Variants in PCMT1 observed in about 807,000 individuals in gnomAD.
PCMT1 encodes the protein protein-L-isoaspartate(D-aspartate) O-methyltransferase.
A neutral mutation model predicts 29.2 loss-of-function variants in PCMT1; 9 were observed. The observed-to-expected ratio is 0.31, with a 90% confidence interval of 0.19 to 0.54. The LOEUF (loss-of-function observed/expected upper bound fraction) is 0.54. PCMT1 is among the 20% of genes least tolerant of loss of function. The pLI, the probability that PCMT1 is intolerant of heterozygous loss-of-function variation, is 0.95. For synonymous variants in PCMT1, 98 were observed against 97.5 expected (o/e 1.00, Z -0.03); for missense variants, 184 against 282.2 (o/e 0.65, Z 2.49).
At chr6:149,754,947 A>AT (rs1310348562) in intron 1 of PCMT1, among the ~76,000 whole-genome samples, 1 of 152,168 alleles carries the variant, frequency 6.6e-6, no homozygotes, top group Non-Finnish European at 1.5e-5. Context: ...TTTATTCATT[A>AT]TTTTTGTTAA....
chr6:149,758,223 T>TTTTTTTTTTTC (rs1215433831), intron 1 of PCMT1, among the ~76,000 whole-genome samples: 32 of 139,256 alleles, frequency 2.3e-4, no homozygotes, highest in African/African-American at 8.7e-4. Context: ...TTTTTTTTTT[T>TTTTTTTTTTTC]TTTCTGAGAC....
At chr6:149,750,083 C>T (rs1268902292) in intron 1 of PCMT1, 127 bp downstream of exon 1, 2 of 1,298,608 alleles carry the variant, frequency 1.5e-6, no homozygotes, top group Admixed American at 2.9e-5. Flanking sequence ...CGCAGAGTTG[C>T]CCCGGTAGTC....
At chr6:149,761,723 C>G (rs1269780102) in intron 1 of PCMT1, among the ~76,000 whole-genome samples, 1 of 152,160 alleles carries the variant, frequency 6.6e-6, no homozygotes, top group Non-Finnish European at 1.5e-5. Context: ...AACCCATCTA[C>G]TTGGTAAGAA....
chr6:149,768,880 G>C (rs1787199881), intron 1 of PCMT1, among the ~76,000 whole-genome samples: 4 of 152,118 alleles, frequency 2.6e-5, no homozygotes, highest in Non-Finnish European at 4.4e-5. Flanking sequence ...GCCTACCTCA[G>C]CCTCCCAAAG....
intron 3 of PCMT1, among the ~76,000 whole-genome samples, chr6:149,787,459 C>G (rs936686883): frequency 5.3e-5 from 8 of 151,866 alleles, no homozygotes; most frequent in Admixed American, 5.2e-4. Flanking sequence ...ATCCACCTCC[C>G]GGGTTCAAGC....
chr6:149,774,157 T>C (rs576120458), intron 3 of PCMT1, among the ~76,000 whole-genome samples: 29 of 152,218 alleles, frequency 1.9e-4, no homozygotes, highest in African/African-American at 7.0e-4. Flanking sequence ...GCCCAACCTT[T>C]TCTTAGGGTT....
In PCMT1 at chr6:149,773,334, C is replaced by T. The variant is rs548443885; in HGVS notation, c.192+165C>T. Among the ~76,000 whole-genome samples the T allele has an allele frequency of 1.6e-4, 24 of 152,074 alleles. No homozygotes were observed. The South Asian group carries it at 4.8e-3, about 30-fold the overall frequency. ...TTTTTTGAACATCTTATTCTTAATA[C>T]AGGGTCTGTAGAAGGAGTTTTGTTT... On this transcript the variant is annotated intron_variant, in intron 3 of 7. Transcript: ENST00000464889.
At chr6:149,784,828 C>G (rs1219638166) in intron 3 of PCMT1, among the ~76,000 whole-genome samples, 1 of 152,178 alleles carries the variant, frequency 6.6e-6, no homozygotes, top group Non-Finnish European at 1.5e-5. Flanking sequence ...TATTTCATCC[C>G]TGGATACTTT....
chr6:149,750,693 A>T (rs1786279359), intron 1 of PCMT1, among the ~76,000 whole-genome samples: 1 of 152,114 alleles, frequency 6.6e-6, no homozygotes, highest in Non-Finnish European at 1.5e-5. Flanking sequence ...GGGCTACCAT[A>T]GGCTTTAAAA....
chr6:149,803,052 CAAAAAAAAAAAAAAA>C (rs60853264), intron 7 of PCMT1, among the ~76,000 whole-genome samples: 5 of 70,570 alleles, frequency 7.1e-5, no homozygotes, highest in Admixed American at 1.8e-4. Context: ...GGCTCTGTCT[CAAAAAAAAAAAAAAA>C]AAAAAAAAAA....
chr6:149,809,132 G>A lies in PCMT1; in HGVS notation c.*38-1484G>A, dbSNP rs571837505. ...AATTTAGCCGGGTATGGTGGTGCCTGCCTGTAATCCCAGCGACTCGGGAGG... is the reference window on the plus strand; with the variant it reads ...AATTTAGCCGGGTATGGTGGTGCCTACCTGTAATCCCAGCGACTCGGGAGG... On this transcript the variant is annotated intron_variant, in intron 7 of 7. Transcript: ENST00000464889. Among the ~76,000 whole-genome samples, 14 of 149,892 alleles carry A rather than the reference G, an allele frequency of 9.3e-5. No individual in the cohort carries two copies. The East Asian group carries it at 1.4e-3, about 15-fold the overall frequency.
chr6:149,765,976 A>AT (rs1787066304), intron 1 of PCMT1, among the ~76,000 whole-genome samples: 1 of 120,824 alleles, frequency 8.3e-6, no homozygotes, highest in Admixed American at 9.4e-5. Context: ...CAAAAAAAAA[A>AT]TAAATTTTTT....
Position 149,810,775 on chromosome 6 carries a change from T to G in PCMT1, c.*197T>G. On this transcript the variant is annotated 3_prime_UTR_variant, in exon 8 of 8. Transcript: ENST00000464889. ...ATGAAAATGTGTGTTTTTTTAGGGT[T>G]TCTGATTCTTCAAAGAGGCACAGAG... 1 of 585,466 alleles carries G rather than the reference T, an allele frequency of 1.7e-6. No individual in the cohort carries two copies. The highest frequency in any genetic ancestry group is 2.9e-6 in the Non-Finnish European group (1 of 346,982). 36.3% of individuals were successfully genotyped at this position (585,466 alleles called of 1,614,324 possible). A position where few individuals can be genotyped will look rare whatever the true frequency, so the allele number is the denominator to read the frequency against.
intron 1 of PCMT1, among the ~76,000 whole-genome samples, chr6:149,754,292 G>GA (rs374587530): frequency 6.6e-6 from 1 of 152,184 alleles, no homozygotes; most frequent in Admixed American, 6.5e-5. Context: ...CTCTAGAAAT[G>GA]AAAAAATACA....
intron 3 of PCMT1, among the ~76,000 whole-genome samples, chr6:149,784,055 T>C (rs1385759929): frequency 6.6e-6 from 1 of 152,132 alleles, no homozygotes. Context: ...TGGAGGGAGA[T>C]AATTGGGGGA....
At chr6:149,808,070 G>A (rs190529387) in intron 7 of PCMT1, among the ~76,000 whole-genome samples, 1 of 152,130 alleles carries the variant, frequency 6.6e-6, no homozygotes. Flanking sequence ...ATTAGAAAAC[G>A]TTCATGGATT....
chr6:149,756,931 G>A (rs1786532632), intron 1 of PCMT1, among the ~76,000 whole-genome samples: 1 of 151,952 alleles, frequency 6.6e-6, no homozygotes, highest in East Asian at 1.9e-4. Flanking sequence ...GAGGTGGGTG[G>A]ATCACCTGAG....
At chr6:149,785,560 C>G (rs1239176500) in intron 3 of PCMT1, among the ~76,000 whole-genome samples, 2 of 152,172 alleles carry the variant, frequency 1.3e-5, no homozygotes, top group East Asian at 1.9e-4. Flanking sequence ...TGAGGCCTTC[C>G]GCAGTGTTTG....
At chr6:149,790,687 G>A (rs2115311318) in intron 4 of PCMT1, among the ~76,000 whole-genome samples, 1 of 152,076 alleles carries the variant, frequency 6.6e-6, no homozygotes, top group East Asian at 1.9e-4. Context: ...GGCCCAGAAG[G>A]GGAGAAGGAA....
Sources: gnomAD v4.1 joint callset for allele counts (sites outside exome capture counted in the v4.1 genomes callset) on GRCh38, gnomAD v4.1.1 for gene constraint, MANE v1.5 for transcripts, NCBI Gene and HGNC (gene_info 2026-07-23, HGNC 2026-07-21) for gene names.